The following SEC24D variants were observed in gnomAD, a reference collection of about 807,000 sequenced individuals.
SEC24D encodes protein transport protein Sec24D.
A neutral mutation model predicts 116.9 loss-of-function variants in SEC24D; 69 were observed. The ratio of observed to expected loss-of-function variants is 0.59; its 90% CI spans 0.49 to 0.72. SEC24D has a LOEUF of 0.72. Among genes scored for constraint, SEC24D ranks in the 30% least tolerant of loss-of-function variants. The pLI, the probability that SEC24D is intolerant of heterozygous loss-of-function variation, is 0.00. For missense variants in SEC24D, 1,131 were observed against 1,264.1 expected, an observed-to-expected ratio of 0.89 and a Z score of 1.60; for synonymous variants, 405 against 442.8, an observed-to-expected ratio of 0.91 and a Z score of 1.07.
chr4:118,738,393 CAATG>C lies in SEC24D; in HGVS notation c.2378-18_2378-15del, dbSNP rs754071053. ...CTGCTTTAAAAGCTACATCACAAAA[CAATG>C]AAAAGGACATGAGTTTTAGCTCAGA... On this transcript the variant is annotated splice_polypyrimidine_tract_variant and intron_variant, in intron 18 of 22. Transcript: ENST00000280551. 6.5e-7 allele frequency: 1 copy of C among 1,541,596 alleles called. No homozygotes were observed. Among genetic ancestry groups the C allele is most frequent in the Non-Finnish European group, 9.0e-7 (1 of 1,114,360 alleles).
At chr4:118,780,815 T>C (rs895159015) in intron 8 of SEC24D, among the ~76,000 whole-genome samples, 1 of 152,162 alleles carries the variant, frequency 6.6e-6, no homozygotes, top group African/African-American at 2.4e-5. Flanking sequence ...TCTTGTTGAA[T>C]TGATCCCTTT....
chr4:118,823,203 C>A (rs1578476816), intron 3 of SEC24D, among the ~76,000 whole-genome samples: 1 of 152,154 alleles, frequency 6.6e-6, no homozygotes, highest in South Asian at 2.1e-4. Context: ...CCAAGTAAGA[C>A]CCTTTGACTT....
rs189735385 is a variant in SEC24D, at chr4:118,768,262, T to C, written c.1091A>G (p.Asn364Ser). ...NHGESGPVRC[N>S]RCKAYMCPFM... ...TGGGCACATGTAGGCCTTGCACCTGTTGCATCTGACTGGTCCACTCTCGCC... is the reference window on the plus strand; with the variant it reads ...TGGGCACATGTAGGCCTTGCACCTGCTGCATCTGACTGGTCCACTCTCGCC... Residue 364 changes from asparagine to serine, a missense_variant, in exon 9 of 23, where the codon AAC (asparagine) becomes AGC (serine). Transcript: ENST00000280551. The C allele has an allele frequency of 7.3e-5, 118 of 1,613,944 alleles. No individual in the cohort carries two copies. In the East Asian group the frequency reaches 2.3e-3, roughly 31 times the overall value.
chr4:118,778,104 A>T (rs1158768016), intron 8 of SEC24D, among the ~76,000 whole-genome samples: 1 of 152,096 alleles, frequency 6.6e-6, no homozygotes, highest in Admixed American at 6.5e-5. Context: ...GAAGCTCTTT[A>T]GTTTAACTAG....
intron 10 of SEC24D, among the ~76,000 whole-genome samples, chr4:118,760,992 C>G (rs1298456591): frequency 1.3e-5 from 2 of 152,096 alleles, no homozygotes; most frequent in Non-Finnish European, 2.9e-5. Context: ...GCTGGGATTA[C>G]AGGCATGAGC....
At chr4:118,820,338 A>T (rs138420320) in intron 3 of SEC24D, among the ~76,000 whole-genome samples, 1 of 151,784 alleles carries the variant, frequency 6.6e-6, no homozygotes, top group South Asian at 2.1e-4. Context: ...GCAGCACCAC[A>T]CCCAGCTAAT....
At chr4:118,732,549 G>C (rs1485164092) in intron 20 of SEC24D, among the ~76,000 whole-genome samples, 184 bp downstream of exon 20, 1 of 152,180 alleles carries the variant, frequency 6.6e-6, no homozygotes, top group East Asian at 1.9e-4. Flanking sequence ...AACACATACT[G>C]ATGCACATAA....
Position 118,833,745 on chromosome 4 carries a change from A to T in SEC24D, c.-41-8T>A. ...TAATTCTACAAAAGAAGTCTGCAAC[A>T]GAGAAACAAGAAACATGTTACCAAG... On this transcript the variant is annotated splice_region_variant and splice_polypyrimidine_tract_variant and intron_variant, in intron 1 of 22. Coordinates refer to ENST00000280551, the MANE Select transcript of SEC24D (RefSeq NM_014822.4). 2 of 1,294,958 alleles carry T rather than the reference A, an allele frequency of 1.5e-6. No homozygotes were observed. Among genetic ancestry groups the T allele is most frequent in the Non-Finnish European group, 2.2e-6 (2 of 906,196 alleles). The allele number at this position is 1,294,958 out of a possible 1,614,324, so 80.2% of individuals were successfully genotyped here. A position where few individuals can be genotyped will look rare whatever the true frequency, so the allele number is the denominator to read the frequency against.
At position 118,740,967 on chromosome 4, in the gene SEC24D, G is replaced by T; in HGVS notation, c.2066C>A (p.Ala689Asp). Residue 689 changes from alanine (A) to aspartate (D), a missense_variant, in exon 16 of 23, where the codon GCT (alanine) becomes GAT (aspartate). Physicochemically the swap from Ala to Asp is moderately radical, Grantham distance 126. Transcript: ENST00000280551. ...NDIEKKIGFD[A>D]IMRVRTSTGF... ...TGTGCTGGTACGAACCCTCATAATAGCATCAAAGCCTATTTTCTTTTCAAT... is the reference window on the plus strand; with the variant it reads ...TGTGCTGGTACGAACCCTCATAATATCATCAAAGCCTATTTTCTTTTCAAT... The T allele has an allele frequency of 6.2e-7, 1 of 1,600,512 alleles. No individual in the cohort carries two copies. The highest frequency in any genetic ancestry group is 8.5e-7 in the Non-Finnish European group (1 of 1,171,892).
chr4:118,768,393 AC>A lies in SEC24D; in HGVS notation c.1042-83del. 6.3e-5 allele frequency: 45 copies of A among 711,026 alleles called. No homozygotes were observed. The South Asian group carries it at 1.2e-3, about 19-fold the overall frequency. 44.0% of individuals were successfully genotyped at this position (711,026 alleles called of 1,614,324 possible). On this transcript the variant is annotated intron_variant, in intron 8 of 22. Coordinates refer to ENST00000280551, the MANE Select transcript of SEC24D (RefSeq NM_014822.4). ...ATAATTTGGGAAGTCTTTTAATGGC[AC>A]TTTTTTTTTTTTTTTTTTGAGACAG...
At chr4:118,753,468 T>C (rs1022780089) in intron 11 of SEC24D, among the ~76,000 whole-genome samples, 2 of 152,118 alleles carry the variant, frequency 1.3e-5, no homozygotes, top group Admixed American at 6.6e-5. Context: ...AAGTTACATT[T>C]ATAAAATGAC....
intron 3 of SEC24D, among the ~76,000 whole-genome samples, chr4:118,821,589 A>G (rs1189682781): frequency 4.6e-5 from 7 of 152,256 alleles, no homozygotes; most frequent in Non-Finnish European, 5.9e-5. Flanking sequence ...ATTCAAATCA[A>G]CATAGTAACT....
chr4:118,818,414 C>G (rs1428742462), intron 3 of SEC24D, among the ~76,000 whole-genome samples: 1 of 152,210 alleles, frequency 6.6e-6, no homozygotes, highest in Non-Finnish European at 1.5e-5. Context: ...TGTGACAACA[C>G]TAGGACCAGC....
chr4:118,807,626 T>C (rs1729731652), intron 6 of SEC24D, among the ~76,000 whole-genome samples: 1 of 152,086 alleles, frequency 6.6e-6, no homozygotes. Context: ...ATTAATAATA[T>C]GAAAATTGCC....
intron 13 of SEC24D, among the ~76,000 whole-genome samples, chr4:118,745,609 G>T (rs1726479199): frequency 6.6e-6 from 1 of 152,178 alleles, no homozygotes; most frequent in Non-Finnish European, 1.5e-5. Flanking sequence ...AAAAGTGTGG[G>T]ATCAAGATTA....
rs965622081 is a variant in SEC24D, at chr4:118,784,020, T to C, written c.1041+13663A>G. The stretch of plus-strand genomic sequence containing the variant: ...GAGATCAAGACCAGCCTGGCCAACA[T>C]GGCGAAACCTTGTCTCTATTTAAAC... On this transcript the variant is annotated intron_variant, in intron 8 of 22. Transcript: ENST00000280551. 1.3e-5 allele frequency among the ~76,000 whole-genome samples: 2 copies of C among 152,330 alleles called. 1 individual carries two copies. The highest frequency in any genetic ancestry group is 3.9e-4 in the East Asian group (2 of 5,192).
intron 7 of SEC24D, among the ~76,000 whole-genome samples, chr4:118,803,061 G>A (rs1014501049): frequency 2.0e-5 from 3 of 152,152 alleles, no homozygotes; most frequent in Non-Finnish European, 2.9e-5. Flanking sequence ...GAGACAGAAC[G>A]TAGAACAGAG....
intron 19 of SEC24D, among the ~76,000 whole-genome samples, chr4:118,737,628 T>C (rs1332517233): frequency 6.6e-6 from 1 of 152,196 alleles, no homozygotes; most frequent in African/African-American, 2.4e-5. Context: ...CTAACTTTTA[T>C]TGACATAGAG....
chr4:118,752,173 C>A, intron 12 of SEC24D, 84 bp from the exon 13 acceptor site: 1 of 871,882 alleles, frequency 1.1e-6, no homozygotes, highest in South Asian at 1.6e-5. Flanking sequence ...ACATTTCAAG[C>A]CTAAACACAT....
Sources: gnomAD v4.1 joint callset for allele counts (sites outside exome capture counted in the v4.1 genomes callset) on GRCh38, gnomAD v4.1.1 for gene constraint, MANE v1.5 for transcripts, NCBI Gene and HGNC (gene_info 2026-07-23, HGNC 2026-07-21) for gene names.